Variants in WDR7 observed in about 807,000 individuals in gnomAD.
The protein encoded by WDR7 is WD repeat-containing protein 7.
WDR7 carries 46 observed loss-of-function variants against 169.4 expected under a neutral mutation model. The ratio of observed to expected loss-of-function variants is 0.27; its 90% CI spans 0.21 to 0.35. The LOEUF (loss-of-function observed/expected upper bound fraction) is 0.35, where lower values mean the gene tolerates loss of function less well. Among genes scored for constraint, WDR7 ranks in the 10% least tolerant of loss-of-function variants. The pLI is 1.00. For missense variants in WDR7, 1,534 were observed against 1,859.3 expected, an observed-to-expected ratio of 0.83 and a Z score of 3.22; for synonymous variants, 612 against 666.8, an observed-to-expected ratio of 0.92 and a Z score of 1.27.
At chr18:56,683,468 T>G (rs2025388299) in intron 5 of WDR7, among the ~76,000 whole-genome samples, 1 of 152,172 alleles carries the variant, frequency 6.6e-6, no homozygotes, top group Non-Finnish European at 1.5e-5. Flanking sequence ...AGGAGCATTC[T>G]TTTACTTTCA....
In WDR7 at chr18:56,694,717, T is replaced by C. The variant is rs767268375; in HGVS notation, c.1065T>C (p.Ile355=). 7 of 1,613,510 alleles carry C rather than the reference T, an allele frequency of 4.3e-6. No individual in the cohort carries two copies. The South Asian group carries it at 5.5e-5, about 13-fold the overall frequency. The change falls in exon 10 of 28, where the codon ATT becomes ATC. Residue 355 remains isoleucine, a synonymous_variant. Transcript: ENST00000254442. Reference sequence around the variant, plus strand: ...GTGATTCTTCTGGAAGGTTGAATATTTGGAACATATCAGACACAGCTGATA... The same window carrying C: ...GTGATTCTTCTGGAAGGTTGAATATCTGGAACATATCAGACACAGCTGATA... The part of the protein sequence containing the change: ...IQGDSSGRLN[I]WNISDTADKQ...
chr18:56,858,717 T>C (rs1367673578), intron 20 of WDR7, among the ~76,000 whole-genome samples: 1 of 152,204 alleles, frequency 6.6e-6, no homozygotes, highest in Non-Finnish European at 1.5e-5. Flanking sequence ...TTGGAGTTGT[T>C]CTGCTTCTAG....
intron 1 of WDR7, among the ~76,000 whole-genome samples, chr18:56,661,666 T>G (rs2024906758): frequency 6.6e-6 from 1 of 152,164 alleles, no homozygotes; most frequent in Admixed American, 6.5e-5. Flanking sequence ...AATAAGAAAG[T>G]ATAATCTTGT....
intron 26 of WDR7, among the ~76,000 whole-genome samples, chr18:56,984,062 G>C (rs566000483): frequency 7.0e-6 from 1 of 142,694 alleles, no homozygotes; most frequent in African/African-American, 2.5e-5. Context: ...TATTTTATCC[G>C]TTTGAAAAAA....
chr18:56,990,278 G>C (rs550975532), intron 26 of WDR7, among the ~76,000 whole-genome samples: 1 of 152,292 alleles, frequency 6.6e-6, no homozygotes. Flanking sequence ...GGCAGTAGAA[G>C]CTGCTGCCAG....
rs563899097 is a variant in WDR7 at position 56,955,037 on chromosome 18, A to G, written c.4065-7393A>G. Among the ~76,000 whole-genome samples, 19 of 152,248 alleles carry G rather than the reference A, an allele frequency of 1.2e-4. No individual in the cohort carries two copies. In the South Asian group the frequency reaches 3.7e-3, roughly 30 times the overall value. The stretch of plus-strand genomic sequence containing the variant: ...AACACTGTCTACTTTAGAACAGTGC[A>G]TGAGCTCATATTTTAAGAAACTCCT... On this transcript the variant is annotated intron_variant, in intron 25 of 27. Coordinates refer to ENST00000254442, the MANE Select transcript of WDR7 (RefSeq NM_015285.3).
chr18:57,004,850 G>A (rs976377544), intron 26 of WDR7, among the ~76,000 whole-genome samples: 1 of 152,050 alleles, frequency 6.6e-6, no homozygotes, highest in Non-Finnish European at 1.5e-5. Flanking sequence ...TTTCATAGCT[G>A]GAACAGGAAG....
Position 56,718,441 on chromosome 18 carries a change from CTG to C in WDR7, c.1774+285_1774+286del, listed in dbSNP as rs146612793. Among the ~76,000 whole-genome samples the C allele has an allele frequency of 8.0e-3, 1,212 of 152,230 alleles. 14 individuals are homozygous for C. The highest frequency in any genetic ancestry group is 0.028 in the African/African-American group (1,165 of 41,542). On this transcript the variant is annotated intron_variant, in intron 13 of 27. Coordinates refer to ENST00000254442, the MANE Select transcript of WDR7 (RefSeq NM_015285.3). ...GTTTTCTATATAATTCACAAGTAAA[CTG>C]TGGACAAGAAGAAGAAATCATTTTT...
chr18:56,901,399 G>A (rs964022306), intron 21 of WDR7, among the ~76,000 whole-genome samples: 6 of 149,382 alleles, frequency 4.0e-5, no homozygotes, highest in Non-Finnish European at 6.0e-5. Flanking sequence ...ATAGTCATGG[G>A]GTAGGTTTGA....
rs1304228316 is a variant in WDR7 at position 56,757,119 on chromosome 18, C to A, written c.2526C>A (p.Gly842=). 3 of 1,614,018 alleles carry A rather than the reference C, an allele frequency of 1.9e-6. No homozygotes were observed. Among genetic ancestry groups the A allele is most frequent in the Non-Finnish European group, 2.5e-6 (3 of 1,179,990 alleles). Residue 842 remains glycine (G), a synonymous_variant, in exon 15 of 28, where the codon GGC becomes GGA. Coordinates refer to ENST00000254442, the MANE Select transcript of WDR7 (RefSeq NM_015285.3). ...CGTTTGGCCTCTTGTCAAGAGGAGG[C>A]CATATGTCACTGATGCTGCCGGGTT... is the stretch of plus-strand genomic sequence containing the variant. ...TVSFGLLSRG[G]HMSLMLPGYN...
intron 25 of WDR7, among the ~76,000 whole-genome samples, chr18:56,942,990 T>C (rs182707820): frequency 1.2e-3 from 181 of 152,336 alleles, no homozygotes; most frequent in Admixed American, 2.7e-3. Flanking sequence ...TTGTAGCTTA[T>C]GCTAAATGTG....
In WDR7 at chr18:56,943,982, G is replaced by GTTTTTTT. The variant is rs397858369; in HGVS notation, c.4064+4608_4064+4614dup. Among the ~76,000 whole-genome samples the GTTTTTTT allele has an allele frequency of 8.9e-4, 70 of 78,754 alleles. 1 individual carries two copies. Among genetic ancestry groups the GTTTTTTT allele is most frequent in the East Asian group, 1.7e-3 (4 of 2,378 alleles). 51.7% of individuals were successfully genotyped at this position (78,754 alleles called of 152,430 possible). A position where few individuals can be genotyped will look rare whatever the true frequency, so the allele number is the denominator to read the frequency against. On this transcript the variant is annotated intron_variant, in intron 25 of 27. Coordinates refer to ENST00000254442, the MANE Select transcript of WDR7 (RefSeq NM_015285.3). Reference sequence around the variant, plus strand: ...TAGGGTTTTTTTGTATGTTTTGTGGGTTTTTTTTTTTTTTTTTTTTTTTTT... The same window carrying GTTTTTTT: ...TAGGGTTTTTTTGTATGTTTTGTGGGTTTTTTTTTTTTTTTTTTTTTTTTTTTTTTTT...
At chr18:56,706,527 A>G (rs1452612401) in intron 12 of WDR7, among the ~76,000 whole-genome samples, 1 of 152,128 alleles carries the variant, frequency 6.6e-6, no homozygotes, top group African/African-American at 2.4e-5. Context: ...TTTAGAAGTA[A>G]CGCTTGGCCT....
intron 26 of WDR7, among the ~76,000 whole-genome samples, chr18:56,964,035 G>T (rs887736013): frequency 1.3e-5 from 2 of 151,684 alleles, no homozygotes; most frequent in African/African-American, 4.8e-5. Flanking sequence ...AGACACAGCT[G>T]CCATCAGCAG....
intron 21 of WDR7, among the ~76,000 whole-genome samples, chr18:56,913,841 G>C (rs994756923): frequency 9.9e-5 from 15 of 151,936 alleles, no homozygotes; most frequent in African/African-American, 3.6e-4. Context: ...ACTACTCCAT[G>C]ACTCCTGTTA....
intron 19 of WDR7, among the ~76,000 whole-genome samples, chr18:56,796,851 A>C (rs2044593237): frequency 6.6e-6 from 1 of 152,102 alleles, no homozygotes; most frequent in Non-Finnish European, 1.5e-5. Context: ...ATCACCTCCA[A>C]ATTTTCTAAC....
At chr18:56,827,862 A>T (rs965822568) in intron 20 of WDR7, among the ~76,000 whole-genome samples, 3 of 152,046 alleles carry the variant, frequency 2.0e-5, no homozygotes, top group East Asian at 1.9e-4. Context: ...TGAAAAATTT[A>T]AAAAAAACAG....
In WDR7 at chr18:56,815,978, T is replaced by A. The variant is rs538073915; in HGVS notation, c.3191-53T>A. ...ATTAAAAATCTTCAAACTTTCTGTT[T>A]GCTTTACTTTTCATTTTTTGAAGTG... On this transcript the variant is annotated intron_variant, in intron 19 of 27. Coordinates refer to ENST00000254442, the MANE Select transcript of WDR7 (RefSeq NM_015285.3). 2.8e-6 allele frequency: 4 copies of A among 1,418,586 alleles called. No homozygotes were observed. In the East Asian group the frequency reaches 9.7e-5, roughly 35 times the overall value. 87.9% of individuals were successfully genotyped at this position (1,418,586 alleles called of 1,614,324 possible).
intron 14 of WDR7, 80 bp from the exon 15 acceptor site, chr18:56,756,502 CT>C (rs1231796961): frequency 8.2e-7 from 1 of 1,213,428 alleles, no homozygotes; most frequent in African/African-American, 1.5e-5. Context: ...GTTAATTCCT[CT>C]GATTATTTAT....
Sources: allele counts gnomAD v4.1 joint callset (sites outside exome capture counted in the v4.1 genomes callset), GRCh38; gene constraint gnomAD v4.1.1; transcripts MANE v1.5; gene names NCBI Gene and HGNC (gene_info 2026-07-23, HGNC 2026-07-21).